The following FAM13A variants were observed in gnomAD, a reference collection of about 807,000 sequenced individuals.
The protein encoded by FAM13A is family with sequence similarity 13 member A.
In FAM13A, 76 loss-of-function variants were observed where a neutral mutation model predicts 129.6. The ratio of observed to expected loss-of-function variants is 0.59; its 90% CI spans 0.49 to 0.71. The LOEUF is 0.71. FAM13A is among the 30% of genes least tolerant of loss of function. FAM13A has a pLI of 0.00. For synonymous variants in FAM13A, 443 were observed against 449.9 expected, an observed-to-expected ratio of 0.98 and a Z score of 0.20; for missense variants, 1,108 against 1,249.3, an observed-to-expected ratio of 0.89 and a Z score of 1.70.
rs866956360 is a variant in FAM13A at position 88,770,362 on chromosome 4, C to T, written c.1459-2303G>A. On this transcript the variant is annotated intron_variant, in intron 11 of 23. Coordinates refer to ENST00000264344, the MANE Select transcript of FAM13A (RefSeq NM_014883.4). ...AGACTCTTTAGTGTAAGATCTAGTG[C>T]AATAGTATTAGGTTTTCCTAAAGCT... 3.2e-4 allele frequency among the ~76,000 whole-genome samples: 48 copies of T among 152,062 alleles called. 1 individual carries two copies. The highest frequency in any genetic ancestry group is 6.3e-3 in the Middle Eastern group (2 of 316).
chr4:89,001,660 G>A (rs1201660462), intron 3 of FAM13A, among the ~76,000 whole-genome samples: 2 of 152,070 alleles, frequency 1.3e-5, no homozygotes, highest in Admixed American at 6.5e-5. Context: ...TCTGGCCAAC[G>A]TTTATTCATG....
chr4:88,797,649 T>C (rs1726492986), intron 8 of FAM13A, among the ~76,000 whole-genome samples: 1 of 152,174 alleles, frequency 6.6e-6, no homozygotes, highest in East Asian at 1.9e-4. Flanking sequence ...ATTTGACTGA[T>C]TTTTAATCAT....
intron 6 of FAM13A, among the ~76,000 whole-genome samples, chr4:88,867,601 G>A (rs751056103): frequency 4.6e-5 from 7 of 152,202 alleles, no homozygotes; most frequent in Non-Finnish European, 7.3e-5. Context: ...ACATTTGAGC[G>A]CGTAGGCAAA....
chr4:88,754,877 G>C (rs1385345653), intron 14 of FAM13A, among the ~76,000 whole-genome samples: 2 of 152,120 alleles, frequency 1.3e-5, no homozygotes, highest in Non-Finnish European at 2.9e-5. Flanking sequence ...TAAATGTGTG[G>C]AACAGGATAG....
At chr4:88,977,907 G>A (rs1469592319) in intron 4 of FAM13A, among the ~76,000 whole-genome samples, 2 of 151,964 alleles carry the variant, frequency 1.3e-5, no homozygotes, top group African/African-American at 4.8e-5. Flanking sequence ...AACATCTAGA[G>A]GATAATGTAT....
chr4:88,926,144 C>T (rs1351113395), intron 5 of FAM13A, among the ~76,000 whole-genome samples: 4 of 151,984 alleles, frequency 2.6e-5, no homozygotes, highest in Non-Finnish European at 4.4e-5. Context: ...GTGTAAAATA[C>T]ACACCCCAGA....
At chr4:88,800,886 G>A (rs1221688106) in intron 8 of FAM13A, among the ~76,000 whole-genome samples, 1 of 151,894 alleles carries the variant, frequency 6.6e-6, no homozygotes, top group Non-Finnish European at 1.5e-5. Flanking sequence ...CTAAAACAGG[G>A]TTTTGAATAA....
At chr4:88,867,103 T>C (rs1740593879) in intron 6 of FAM13A, among the ~76,000 whole-genome samples, 1 of 152,222 alleles carries the variant, frequency 6.6e-6, no homozygotes, top group African/African-American at 2.4e-5. Context: ...TACAGGTTCC[T>C]GTGAGCCTCT....
At chr4:88,931,937 A>C (rs566546163) in intron 5 of FAM13A, among the ~76,000 whole-genome samples, 2 of 152,342 alleles carry the variant, frequency 1.3e-5, no homozygotes, top group South Asian at 2.1e-4. Context: ...GAAGCAAACA[A>C]CAAAAAGCCA....
At chr4:88,920,675 C>T (rs1187483548) in intron 5 of FAM13A, among the ~76,000 whole-genome samples, 1 of 152,194 alleles carries the variant, frequency 6.6e-6, no homozygotes, top group Non-Finnish European at 1.5e-5. Context: ...CAGTTCCTCA[C>T]CAGCAACGGA....
At chr4:88,832,886 C>T (rs910451796) in intron 7 of FAM13A, among the ~76,000 whole-genome samples, 2 of 152,106 alleles carry the variant, frequency 1.3e-5, no homozygotes, top group Non-Finnish European at 2.9e-5. Flanking sequence ...TGGGTATATA[C>T]ACCCCAAAAT....
intron 4 of FAM13A, among the ~76,000 whole-genome samples, chr4:88,941,516 G>C (rs1754757597): frequency 6.6e-6 from 1 of 152,136 alleles, no homozygotes; most frequent in African/African-American, 2.4e-5. Flanking sequence ...CATGATTCTA[G>C]AACTGCAAAT....
intron 6 of FAM13A, among the ~76,000 whole-genome samples, chr4:88,868,097 C>T (rs1740749976): frequency 6.6e-6 from 1 of 152,074 alleles, no homozygotes; most frequent in Non-Finnish European, 1.5e-5. Flanking sequence ...AGATGATCTG[C>T]AGGCAGTTTT....
intron 6 of FAM13A, among the ~76,000 whole-genome samples, chr4:88,876,157 G>A (rs1214302387): frequency 1.3e-5 from 2 of 152,152 alleles, no homozygotes; most frequent in East Asian, 3.8e-4. Flanking sequence ...GGGGGGCTGG[G>A]GGAGGGATAG....
At chr4:88,882,843 A>G (rs559564685) in intron 6 of FAM13A, among the ~76,000 whole-genome samples, 1 of 152,262 alleles carries the variant, frequency 6.6e-6, no homozygotes, top group South Asian at 2.1e-4. Flanking sequence ...CAAATGGACA[A>G]CAAAACAAGC....
chr4:88,896,844 C>G (rs1746429979), intron 6 of FAM13A, among the ~76,000 whole-genome samples: 1 of 152,026 alleles, frequency 6.6e-6, no homozygotes, highest in African/African-American at 2.4e-5. Flanking sequence ...ATTTTGTATC[C>G]CCTGATAAAA....
intron 3 of FAM13A, among the ~76,000 whole-genome samples, chr4:89,008,518 GT>G (rs1292445664): frequency 3.9e-5 from 6 of 152,308 alleles, no homozygotes; most frequent in Middle Eastern, 3.4e-3. Flanking sequence ...AGTTTCTGTT[GT>G]TTTAGCCACC....
intron 4 of FAM13A, among the ~76,000 whole-genome samples, chr4:88,988,037 T>C (rs1167744338): frequency 6.6e-6 from 1 of 152,126 alleles, no homozygotes; most frequent in Admixed American, 6.5e-5. Context: ...ACAGCTAATG[T>C]ATACTGTGCT....
At chr4:88,771,338 AG>A (rs2149565540) in intron 11 of FAM13A, among the ~76,000 whole-genome samples, 2 of 152,286 alleles carry the variant, frequency 1.3e-5, no homozygotes, top group Non-Finnish European at 2.9e-5. Flanking sequence ...CACTAAGATG[AG>A]GGAAGGGAAA....
Sources: allele counts gnomAD v4.1 joint callset (sites outside exome capture counted in the v4.1 genomes callset), GRCh38; gene constraint gnomAD v4.1.1; transcripts MANE v1.5; gene names NCBI Gene and HGNC (gene_info 2026-07-23, HGNC 2026-07-21).